Variants in LDLRAD4 observed in about 807,000 individuals in gnomAD.
The protein encoded by LDLRAD4 is low density lipoprotein receptor class A domain containing 4.
Under a neutral mutation model 17.0 loss-of-function variants are expected in LDLRAD4, and 5 were observed. That is an observed-to-expected ratio of 0.29 (90% CI 0.15 to 0.62). The LOEUF is 0.62. Among genes scored for constraint, LDLRAD4 ranks in the 20% least tolerant of loss-of-function variants. The probability of loss-of-function intolerance (pLI) is 0.84; values close to 1 mark genes in which losing one functional copy is unlikely to be tolerated. For synonymous variants in LDLRAD4, 168 were observed against 171.8 expected, an observed-to-expected ratio of 0.98 and a Z score of 0.17; for missense variants, 340 against 424.7, an observed-to-expected ratio of 0.80 and a Z score of 1.75.
intron 1 of LDLRAD4, among the ~76,000 whole-genome samples, chr18:13,288,038 A>G (rs977791954): frequency 6.6e-6 from 1 of 152,250 alleles, no homozygotes; most frequent in African/African-American, 2.4e-5. Flanking sequence ...CTCCAAAGTG[A>G]TCACTCTATT....
intron 3 of LDLRAD4, among the ~76,000 whole-genome samples, chr18:13,499,521 C>T (rs2093573726): frequency 1.3e-5 from 2 of 149,920 alleles, no homozygotes; most frequent in African/African-American, 2.5e-5. Context: ...ACACGTCCCG[C>T]CGTGGACACT....
intron 3 of LDLRAD4, among the ~76,000 whole-genome samples, chr18:13,460,791 A>G (rs2042744): frequency 0.083 from 12,624 of 152,214 alleles, 995 homozygotes; most frequent in African/African-American, 0.21. Flanking sequence ...ATATACATAT[A>G]CTATTATAAA....
At chr18:13,231,183 G>C (rs1377381483) in intron 1 of LDLRAD4, among the ~76,000 whole-genome samples, 1 of 152,190 alleles carries the variant, frequency 6.6e-6, no homozygotes, top group Non-Finnish European at 1.5e-5. Flanking sequence ...GATGTCTATG[G>C]GTGAGGCAAA....
chr18:13,397,910 G>C (rs2086832558), intron 2 of LDLRAD4, among the ~76,000 whole-genome samples: 1 of 152,242 alleles, frequency 6.6e-6, no homozygotes, highest in Non-Finnish European at 1.5e-5. Context: ...GTTTCACAGA[G>C]CTGACATAAG....
intron 3 of LDLRAD4, among the ~76,000 whole-genome samples, chr18:13,451,547 T>G (rs1033240264): frequency 1.8e-4 from 28 of 152,222 alleles, no homozygotes; most frequent in Non-Finnish European, 3.7e-4. Flanking sequence ...GCCTCTTTTC[T>G]TTATAAATTA....
At chr18:13,528,152 C>G (rs1422702925) in intron 3 of LDLRAD4, among the ~76,000 whole-genome samples, 1 of 152,170 alleles carries the variant, frequency 6.6e-6, no homozygotes, top group Non-Finnish European at 1.5e-5. Flanking sequence ...TAGCAGATCC[C>G]TGAGAGTGGG....
intron 1 of LDLRAD4, among the ~76,000 whole-genome samples, chr18:13,306,357 G>A (rs1164283790): frequency 6.6e-6 from 1 of 152,226 alleles, no homozygotes; most frequent in South Asian, 2.1e-4. Flanking sequence ...AGTTCCATCA[G>A]TGTTTTGTCC....
intron 1 of LDLRAD4, among the ~76,000 whole-genome samples, chr18:13,361,055 A>G (rs896738866): frequency 6.6e-6 from 1 of 152,178 alleles, no homozygotes; most frequent in Non-Finnish European, 1.5e-5. Context: ...GTGGGAGGGA[A>G]TGGGGTCAGT....
At chr18:13,514,568 G>A (rs567890464) in intron 3 of LDLRAD4, 3 of 152,336 alleles carry the variant, frequency 2.0e-5, no homozygotes, top group East Asian at 1.9e-4. Flanking sequence ...ATCATAGGCC[G>A]TGGTAGCCCT....
rs888879840 is a variant in LDLRAD4 at position 13,621,409 on chromosome 18, TAGTG to T, written c.336+142_336+145del. ...AAGCGCACCTCGTAAGTGTTCCACTTAGTGAGTCCCCACAAACTGAACACACCAG... is the reference window on the plus strand; with the variant it reads ...AAGCGCACCTCGTAAGTGTTCCACTTAGTCCCCACAAACTGAACACACCAG... On this transcript the variant is annotated intron_variant, in intron 4 of 5. Coordinates refer to ENST00000359446, the Ensembl canonical transcript of LDLRAD4. The surrounding 1 kb of genome is among the most constrained non-coding windows in gnomAD (Gnocchi z 5.5). 1.8e-5 allele frequency: 12 copies of T among 658,204 alleles called. No homozygotes were observed. Among genetic ancestry groups the T allele is most frequent in the East Asian group, 5.4e-5 (2 of 36,710 alleles). The allele number at this position is 658,204 out of a possible 1,614,324, so 40.8% of individuals were successfully genotyped here.
Position 13,470,247 on chromosome 18 carries a change from T to G in LDLRAD4, c.181+31863T>G, listed in dbSNP as rs571861811. Among the ~76,000 whole-genome samples the G allele has an allele frequency of 3.3e-5, 5 of 152,238 alleles. No individual in the cohort carries two copies. The East Asian group carries it at 9.7e-4, about 29-fold the overall frequency. ...ATGTTTGTAGAGTCTCTTGACTTTCTTCAGACTCATATTTTCATAGAGAAA... is the reference window on the plus strand; with the variant it reads ...ATGTTTGTAGAGTCTCTTGACTTTCGTCAGACTCATATTTTCATAGAGAAA... On this transcript the variant is annotated intron_variant, in intron 3 of 5. Transcript: ENST00000359446.
chr18:13,436,310 G>A (rs2090652290), intron 2 of LDLRAD4, among the ~76,000 whole-genome samples: 1 of 152,210 alleles, frequency 6.6e-6, no homozygotes, highest in South Asian at 2.1e-4. Context: ...GAATGAATGA[G>A]CCACAGAATT....
intron 4 of LDLRAD4, among the ~76,000 whole-genome samples, chr18:13,635,726 G>A (rs796834798): frequency 4.6e-5 from 7 of 152,284 alleles, no homozygotes; most frequent in Admixed American, 3.9e-4. Flanking sequence ...ACCGTTCTGC[G>A]TCCCTTTTCC....
chr18:13,312,090 C>T (rs1053196251), intron 1 of LDLRAD4, among the ~76,000 whole-genome samples: 2 of 152,146 alleles, frequency 1.3e-5, no homozygotes, highest in African/African-American at 4.8e-5. Flanking sequence ...CCGCCTCGGC[C>T]TCCCAAAGTG....
rs557131343 is a variant in LDLRAD4, at chr18:13,425,240, A to G, written c.41-13004A>G. On this transcript the variant is annotated intron_variant, in intron 2 of 5. Coordinates refer to ENST00000359446, the Ensembl canonical transcript of LDLRAD4. The stretch of plus-strand genomic sequence containing the variant: ...TAAGCCTTATAGGAAAAAATAAGGC[A>G]AGGAACATAGTCCTGGACCTGGGTG... 5.9e-5 allele frequency among the ~76,000 whole-genome samples: 9 copies of G among 152,354 alleles called. No homozygotes were observed. In the South Asian group the frequency reaches 1.0e-3, roughly 18 times the overall value.
At chr18:13,582,867 T>C (rs2094882718) in intron 3 of LDLRAD4, among the ~76,000 whole-genome samples, 2 of 152,162 alleles carry the variant, frequency 1.3e-5, no homozygotes, top group African/African-American at 4.8e-5. Context: ...TGCATGCCGC[T>C]GTGCTGGCTA....
At chr18:13,426,982 G>T (rs969022952) in intron 2 of LDLRAD4, among the ~76,000 whole-genome samples, 1 of 152,060 alleles carries the variant, frequency 6.6e-6, no homozygotes, top group African/African-American at 2.4e-5. Context: ...TTAGCAGATT[G>T]AGACCATCCT....
In LDLRAD4 at chr18:13,432,601, G is replaced by A. The variant is rs79951195; in HGVS notation, c.41-5643G>A. Among the ~76,000 whole-genome samples, 925 of 152,308 alleles carry A rather than the reference G, an allele frequency of 6.1e-3. 8 individuals are homozygous for A. The highest frequency in any genetic ancestry group is 0.021 in the African/African-American group (868 of 41,576). ...CTTGGCTGTGGTGGCTTGTTTGGTT[G>A]GAATTCGGTTTAGAGATGAGTTCTT... On this transcript the variant is annotated intron_variant, in intron 2 of 5. Transcript: ENST00000359446.
chr18:13,564,651 G>A (rs933708498), intron 3 of LDLRAD4, among the ~76,000 whole-genome samples: 1 of 150,772 alleles, frequency 6.6e-6, no homozygotes, highest in African/African-American at 2.4e-5. Context: ...GTCGTGGCGA[G>A]TGCGGCAGGT....
Sources: gnomAD v4.1 joint callset for allele counts (sites outside exome capture counted in the v4.1 genomes callset) on GRCh38, gnomAD v4.1.1 for gene constraint, Gnocchi (gnomAD v3.1) non-coding constraint, MANE v1.5 for transcripts, NCBI Gene and HGNC (gene_info 2026-07-23, HGNC 2026-07-21) for gene names.